CHRM3: variants seen among roughly 807,000 people sequenced by gnomAD.
CHRM3 encodes cholinergic receptor muscarinic 3.
In CHRM3, 11 loss-of-function variants were observed where a neutral mutation model predicts 41.8. The observed-to-expected ratio is 0.26, with a 90% CI of 0.17 to 0.44. The LOEUF (loss-of-function observed/expected upper bound fraction) is 0.44. Ranked by LOEUF, CHRM3 falls within the 20% of genes least tolerant of loss-of-function variation. The pLI is 1.00. For synonymous variants in CHRM3, 297 were observed against 301.4 expected (o/e 0.99, Z 0.15); for missense variants, 571 against 745.4 (o/e 0.77, Z 2.72).
At chr1:239,724,990 A>G (rs1354353173) in intron 5 of CHRM3, among the ~76,000 whole-genome samples, 1 of 151,814 alleles carries the variant, frequency 6.6e-6, no homozygotes, top group Non-Finnish European at 1.5e-5. Context: ...TCTTGTTACT[A>G]TTCCCCTCTG....
At chr1:239,502,699 A>G (rs939462725) in intron 2 of CHRM3, among the ~76,000 whole-genome samples, 1 of 152,224 alleles carries the variant, frequency 6.6e-6, no homozygotes, top group African/African-American at 2.4e-5. Flanking sequence ...AATACTAGCT[A>G]ACCAAATCCA....
At chr1:239,401,188 C>T (rs1010916204) in intron 1 of CHRM3, among the ~76,000 whole-genome samples, 10 of 152,192 alleles carry the variant, frequency 6.6e-5, no homozygotes, top group African/African-American at 2.2e-4. Flanking sequence ...AACATGGAAC[C>T]GGGCTGAATA....
rs190623230 is a variant in CHRM3 at position 239,538,785 on chromosome 1, C to T, written c.-421-6856C>T. Among the ~76,000 whole-genome samples, 360 of 152,222 alleles carry T rather than the reference C, an allele frequency of 2.4e-3. 2 individuals carry two copies. Among genetic ancestry groups the T allele is most frequent in the African/African-American group, 7.9e-3 (328 of 41,540 alleles). ...ATGTAAACACACATATAAACCTACC[C>T]AGTAGCAATTTGAAACAAGCTTAGG... On this transcript the variant is annotated intron_variant, in intron 2 of 6. Transcript: ENST00000676153.
chr1:239,799,483 A>G (rs1400564596), intron 5 of CHRM3, among the ~76,000 whole-genome samples: 1 of 152,128 alleles, frequency 6.6e-6, no homozygotes, highest in Non-Finnish European at 1.5e-5. Context: ...AAGCCCGCTC[A>G]TGGAATCCCT....
chr1:239,661,732 G>A (rs557488613), intron 4 of CHRM3, among the ~76,000 whole-genome samples: 1 of 152,228 alleles, frequency 6.6e-6, no homozygotes, highest in East Asian at 1.9e-4. Context: ...TACTATAATG[G>A]TGGATACATC....
intron 5 of CHRM3, among the ~76,000 whole-genome samples, chr1:239,730,140 T>C (rs1056745926): frequency 6.6e-6 from 1 of 152,040 alleles, no homozygotes; most frequent in African/African-American, 2.4e-5. Context: ...AACAAAAATA[T>C]GTAAATTTAA....
chr1:239,696,904 A>G (rs185497628), intron 5 of CHRM3, among the ~76,000 whole-genome samples: 2 of 152,328 alleles, frequency 1.3e-5, no homozygotes, highest in South Asian at 2.1e-4. Flanking sequence ...AGGGAAAAAA[A>G]CTGTTCATTA....
intron 1 of CHRM3, among the ~76,000 whole-genome samples, chr1:239,463,970 C>T (rs1468906470): frequency 2.6e-5 from 4 of 152,084 alleles, no homozygotes; most frequent in African/African-American, 9.7e-5. Context: ...TCCACAGTGA[C>T]TCAGTAAATA....
intron 3 of CHRM3, among the ~76,000 whole-genome samples, chr1:239,618,280 T>C (rs887208051): frequency 8.6e-5 from 12 of 138,846 alleles, no homozygotes; most frequent in African/African-American, 2.7e-4. Context: ...TTTCTTTCTT[T>C]TTTTTTTTTT....
chr1:239,839,482 G>A (rs530146925), intron 6 of CHRM3, among the ~76,000 whole-genome samples: 1 of 152,294 alleles, frequency 6.6e-6, no homozygotes, highest in Admixed American at 6.5e-5. Context: ...GTAACTTCGA[G>A]TCATACAGTA....
intron 3 of CHRM3, among the ~76,000 whole-genome samples, chr1:239,623,508 T>TTTTA (rs1558389468): frequency 6.9e-6 from 1 of 145,690 alleles, no homozygotes; most frequent in African/African-American, 2.6e-5. Context: ...ATTTTTTTTT[T>TTTTA]TTATTATACT....
intron 1 of CHRM3, among the ~76,000 whole-genome samples, chr1:239,392,563 A>T (rs2102923271): frequency 1.3e-5 from 2 of 152,230 alleles, no homozygotes; most frequent in African/African-American, 4.8e-5. Flanking sequence ...TGTTCAGATA[A>T]AATTCAGGTG....
intron 2 of CHRM3, among the ~76,000 whole-genome samples, chr1:239,501,687 C>T (rs556555045): frequency 3.3e-5 from 5 of 152,136 alleles, no homozygotes; most frequent in African/African-American, 9.6e-5. Context: ...AACCCTGTCT[C>T]TACTAAAAAA....
chr1:239,789,007 A>G (rs1289764237), intron 5 of CHRM3, among the ~76,000 whole-genome samples: 1 of 152,222 alleles, frequency 6.6e-6, no homozygotes. Flanking sequence ...CTTGTGTAAG[A>G]GTCCACTTGG....
chr1:239,838,398 T>C (rs1673504770), intron 6 of CHRM3, among the ~76,000 whole-genome samples: 1 of 152,106 alleles, frequency 6.6e-6, no homozygotes, highest in Non-Finnish European at 1.5e-5. Context: ...ACCATCTGTT[T>C]TCATGCAGTT....
At chr1:239,782,813 C>T (rs1239904653) in intron 5 of CHRM3, among the ~76,000 whole-genome samples, 1 of 152,002 alleles carries the variant, frequency 6.6e-6, no homozygotes, top group Admixed American at 6.6e-5. Flanking sequence ...AATTGTGTAC[C>T]ATTTGCAGTT....
intron 1 of CHRM3, among the ~76,000 whole-genome samples, chr1:239,407,417 T>G (rs548611091): frequency 0.012 from 1,646 of 134,212 alleles, 69 homozygotes; most frequent in East Asian, 0.085. Flanking sequence ...TATATATATA[T>G]AGAGAGAGAG....
intron 1 of CHRM3, among the ~76,000 whole-genome samples, chr1:239,389,869 T>C (rs987383157): frequency 6.6e-6 from 1 of 152,190 alleles, no homozygotes; most frequent in African/African-American, 2.4e-5. Flanking sequence ...TGGGTCTTGT[T>C]TGCAGTGCCG....
chr1:239,784,962 T>A (rs1668777592), intron 5 of CHRM3, among the ~76,000 whole-genome samples: 1 of 152,220 alleles, frequency 6.6e-6, no homozygotes, highest in Admixed American at 6.5e-5. Context: ...ACCAAATTGT[T>A]AATTAAAAAC....
Sources: allele counts gnomAD v4.1 joint callset (sites outside exome capture counted in the v4.1 genomes callset), GRCh38; gene constraint gnomAD v4.1.1; transcripts MANE v1.5; gene names NCBI Gene and HGNC (gene_info 2026-07-23, HGNC 2026-07-21).